Variants in PVT1 observed in about 807,000 individuals in gnomAD.
The protein encoded by PVT1 is Pvt1 oncogene, also known as CXCR4/PVT1 fusion.
intron 5 of PVT1, among the ~76,000 whole-genome samples, chr8:128,091,962 G>A (rs1298912242): frequency 1.3e-5 from 2 of 152,136 alleles, no homozygotes; most frequent in Admixed American, 1.3e-4. Flanking sequence ...TTGTGAGGGT[G>A]GGAATATGAG....
chr8:127,998,628 T>A (rs1263474860), intron 4 of PVT1, among the ~76,000 whole-genome samples: 1 of 143,184 alleles, frequency 7.0e-6, no homozygotes, highest in African/African-American at 2.6e-5. Flanking sequence ...CCTCCCTCCC[T>A]CACTCCCTCC....
At chr8:127,837,007 C>A (rs752207674) in intron 2 of PVT1, among the ~76,000 whole-genome samples, 1 of 152,148 alleles carries the variant, frequency 6.6e-6, no homozygotes, top group Non-Finnish European at 1.5e-5. Context: ...CTGGCCTGTC[C>A]CACACCTGAG....
At chr8:127,829,556 T>G (rs73353031) in intron 2 of PVT1, among the ~76,000 whole-genome samples, 5,906 of 152,264 alleles carry the variant, frequency 0.039, 396 homozygotes, top group African/African-American at 0.13. Context: ...AAAAAGAGGG[T>G]GGCTGCTCAG....
chr8:127,806,778 T>G (rs1029730531), intron 2 of PVT1, among the ~76,000 whole-genome samples: 4 of 152,222 alleles, frequency 2.6e-5, no homozygotes, highest in Non-Finnish European at 5.9e-5. Context: ...GAGTGTCCTA[T>G]AAATGGATTC....
chr8:127,887,482 C>T (rs958067411), intron 2 of PVT1, among the ~76,000 whole-genome samples: 1 of 152,178 alleles, frequency 6.6e-6, no homozygotes, highest in Admixed American at 6.5e-5. Flanking sequence ...CAACCATTGC[C>T]AGAACCTTCT....
intron 3 of PVT1, among the ~76,000 whole-genome samples, chr8:127,937,372 C>T (rs1816288927): frequency 6.6e-6 from 1 of 151,822 alleles, no homozygotes; most frequent in Admixed American, 6.6e-5. Flanking sequence ...CTCTAGCCTC[C>T]TGAGTAGCTG....
chr8:128,041,664 G>A (rs570294191), intron 4 of PVT1, among the ~76,000 whole-genome samples: 1 of 150,156 alleles, frequency 6.7e-6, no homozygotes, highest in East Asian at 2.0e-4. Context: ...TATTTTGTGA[G>A]TGCGTGTTGT....
intron 3 of PVT1, among the ~76,000 whole-genome samples, chr8:127,920,824 G>A (rs187510078): frequency 4.6e-5 from 7 of 152,314 alleles, no homozygotes; most frequent in Admixed American, 3.9e-4. Context: ...ACCATAGTTT[G>A]TATTCCATAT....
intron 4 of PVT1, among the ~76,000 whole-genome samples, chr8:128,033,948 A>C (rs1044607791): frequency 1.3e-5 from 2 of 152,142 alleles, no homozygotes; most frequent in African/African-American, 4.8e-5. Flanking sequence ...CGTATTTGAA[A>C]GTGATTCCTG....
chr8:127,810,870 C>T (rs923471620), intron 2 of PVT1, among the ~76,000 whole-genome samples: 5 of 152,122 alleles, frequency 3.3e-5, no homozygotes, highest in Non-Finnish European at 5.9e-5. Flanking sequence ...CATCTCCTTA[C>T]GCTGGTTCTG....
At chr8:127,861,215 C>G (rs140395616) in intron 2 of PVT1, among the ~76,000 whole-genome samples, 4 of 152,182 alleles carry the variant, frequency 2.6e-5, no homozygotes, top group Admixed American at 6.5e-5. Flanking sequence ...AACTAACTAT[C>G]CTTTTTTATT....
In PVT1 at chr8:127,986,166, T is replaced by C. The variant is rs114019433; in HGVS notation, n.783-2996T>C. Reference sequence around the variant, plus strand: ...AGAAGGAAGACAATACGGCCCTGCCTCTCGGCCTGTAGAGAGGAATGGATG... The same window carrying C: ...AGAAGGAAGACAATACGGCCCTGCCCCTCGGCCTGTAGAGAGGAATGGATG... On this transcript the variant is annotated intron_variant and non_coding_transcript_variant, in intron 3 of 10. Coordinates refer to ENST00000651587, the Ensembl canonical transcript of PVT1. Among the ~76,000 whole-genome samples the C allele has an allele frequency of 7.2e-3, 1,092 of 152,332 alleles. 11 individuals are homozygous for C. Among genetic ancestry groups the C allele is most frequent in the African/African-American group, 0.024 (1,002 of 41,570 alleles).
intron 2 of PVT1, among the ~76,000 whole-genome samples, chr8:127,801,390 T>C (rs1456524189): frequency 6.6e-6 from 1 of 151,922 alleles, no homozygotes; most frequent in East Asian, 1.9e-4. Flanking sequence ...TACAGGTGCG[T>C]GCCACCACGC....
At chr8:127,836,408 G>C (rs1322333608) in intron 2 of PVT1, among the ~76,000 whole-genome samples, 1 of 152,168 alleles carries the variant, frequency 6.6e-6, no homozygotes, top group East Asian at 1.9e-4. Flanking sequence ...CCATCACCTA[G>C]TTATTAAGCC....
chr8:127,966,975 A>G (rs1203769295), intron 3 of PVT1, among the ~76,000 whole-genome samples: 1 of 152,044 alleles, frequency 6.6e-6, no homozygotes, highest in Non-Finnish European at 1.5e-5. Context: ...GCTGGCTGAG[A>G]TGGGTCCTGA....
At chr8:128,040,050 T>C (rs572768039) in intron 4 of PVT1, among the ~76,000 whole-genome samples, 13 of 152,242 alleles carry the variant, frequency 8.5e-5, no homozygotes, top group Non-Finnish European at 1.8e-4. Flanking sequence ...GTGGAATTGT[T>C]ATGTTAGAGA....
intron 4 of PVT1, among the ~76,000 whole-genome samples, chr8:127,998,537 CT>C (rs1817133620): frequency 1.5e-4 from 2 of 13,742 alleles, no homozygotes; most frequent in Non-Finnish European, 6.7e-4. Context: ...TTCTTTCTTT[CT>C]CTCTCTCTCT....
intron 3 of PVT1, among the ~76,000 whole-genome samples, chr8:127,902,086 G>C (rs1437665333): frequency 2.0e-5 from 3 of 152,292 alleles, no homozygotes; most frequent in East Asian, 1.9e-4. Context: ...GGTTGAAAGA[G>C]AGCCCCATAA....
chr8:127,807,689 G>A (rs758707783), intron 2 of PVT1, among the ~76,000 whole-genome samples: 5 of 152,090 alleles, frequency 3.3e-5, no homozygotes, highest in Non-Finnish European at 5.9e-5. Context: ...TTGAAAATAT[G>A]TAGAAAAGAA....
Sources: gnomAD v4.1 joint callset for allele counts (sites outside exome capture counted in the v4.1 genomes callset) on GRCh38, gnomAD v4.1.1 for gene constraint, MANE v1.5 for transcripts, NCBI Gene and HGNC (gene_info 2026-07-23, HGNC 2026-07-21) for gene names.